The following TATDN2 variants were observed in gnomAD, a reference collection of about 807,000 sequenced individuals.
TATDN2 encodes the protein TatD DNase domain containing 2, also known as 3'-5' RNA nuclease TATDN2.
In TATDN2, 44 loss-of-function variants were observed where a neutral mutation model predicts 60.3. The ratio of observed to expected loss-of-function variants is 0.73; its 90% CI spans 0.57 to 0.94. TATDN2 has a LOEUF of 0.94. TATDN2 is among the 40% of genes least tolerant of loss of function. The pLI, the probability that TATDN2 is intolerant of heterozygous loss-of-function variation, is 0.00. For synonymous variants in TATDN2, 399 were observed against 355.8 expected, an observed-to-expected ratio of 1.12 and a Z score of -1.37; for missense variants, 997 against 948.0, an observed-to-expected ratio of 1.05 and a Z score of -0.68.
chr3:10,266,233 A>G (rs1033412353), intron 3 of TATDN2, among the ~76,000 whole-genome samples: 1 of 152,256 alleles, frequency 6.6e-6, no homozygotes, highest in Non-Finnish European at 1.5e-5. Context: ...AAATTCCCAC[A>G]TAAAGTAGGT....
At chr3:10,268,079 T>C (rs1321435505) in intron 3 of TATDN2, among the ~76,000 whole-genome samples, 1 of 152,208 alleles carries the variant, frequency 6.6e-6, no homozygotes, top group Non-Finnish European at 1.5e-5. Flanking sequence ...CAGAATAGTG[T>C]ATTGAATCAC....
intron 2 of TATDN2, among the ~76,000 whole-genome samples, chr3:10,259,679 A>G (rs1698371130): frequency 6.6e-6 from 1 of 152,160 alleles, no homozygotes. Context: ...ATGGTGGGAA[A>G]AACACTGCAC....
rs1559457873 is a variant in TATDN2, at chr3:10,249,257, T to TC, written c.61dup (p.Arg21ProfsTer11). The TC allele has an allele frequency of 6.4e-7, 1 of 1,570,390 alleles. No homozygotes were observed. The highest frequency in any genetic ancestry group is 1.8e-5 in the Admixed American group (1 of 54,200). ...ACTGGAGCAGCACGTCGGAAGGGTG[T>TC]CCCCGCAAGCGCAGCTGCCTCCGGG... On this transcript the variant is annotated frameshift_variant, in exon 2 of 8. Coordinates refer to ENST00000448281, the MANE Select transcript of TATDN2 (RefSeq NM_014760.4). LOFTEE classifies it high-confidence loss of function.
chr3:10,264,916 T>G (rs1056698841), intron 3 of TATDN2, among the ~76,000 whole-genome samples: 5 of 151,890 alleles, frequency 3.3e-5, no homozygotes, highest in Non-Finnish European at 5.9e-5. Context: ...CCTCAGGTGA[T>G]CTATCCGCCT....
chr3:10,270,799 T>C lies in TATDN2; in HGVS notation c.1617T>C (p.Asp539=), dbSNP rs1698551368. Residue 539 remains aspartate, a synonymous_variant, in exon 4 of 8, where the codon GAT becomes GAC. Coordinates refer to ENST00000448281, the MANE Select transcript of TATDN2 (RefSeq NM_014760.4). ...EFQGCISDFC[D]PRTLTDCLWE... ...AGGGCTGCATCTCTGACTTCTGTGA[T>C]CCCCGCACCCTGACAGATTGCCTAT... 2 of 1,614,074 alleles carry C rather than the reference T, an allele frequency of 1.2e-6. No individual in the cohort carries two copies. Among genetic ancestry groups the C allele is most frequent in the Non-Finnish European group, 1.7e-6 (2 of 1,180,044 alleles).
chr3:10,270,997 T>C lies in TATDN2; in HGVS notation c.1815T>C (p.Pro605=). 6.3e-7 allele frequency: 1 copy of C among 1,595,884 alleles called. No individual in the cohort carries two copies. The highest frequency in any genetic ancestry group is 2.2e-5 in the East Asian group (1 of 44,764). ...ATTACTCTTACAAGTGCACCACGCC[T>C]GTCCCAGAACAGCACAAGGTAACAA... The part of the protein sequence containing the change: ...GLDYSYKCTT[P]VPEQHKVFER... Residue 605 remains proline (P), a synonymous_variant, in exon 4 of 8, where the codon CCT becomes CCC. Coordinates refer to ENST00000448281, the MANE Select transcript of TATDN2 (RefSeq NM_014760.4).
At chr3:10,258,854 T>C (rs900378327) in intron 2 of TATDN2, among the ~76,000 whole-genome samples, 1 of 150,970 alleles carries the variant, frequency 6.6e-6, no homozygotes, top group African/African-American at 2.4e-5. Context: ...TTTGCGAATA[T>C]ATACATATAA....
In TATDN2 at chr3:10,280,932, G is replaced by C. The variant is rs1413741235; in HGVS notation, c.*1750G>C. On this transcript the variant is annotated 3_prime_UTR_variant, in exon 8 of 8. Coordinates refer to ENST00000448281, the MANE Select transcript of TATDN2 (RefSeq NM_014760.4). ...GGTGAAACCAACCAGCCCTGTGTTA[G>C]AGGAGGAAAAGCGGAGATGACATGG... 6.6e-6 allele frequency: 1 copy of C among 152,470 alleles called. No homozygotes were observed. The highest frequency in any genetic ancestry group is 1.5e-5 in the Non-Finnish European group (1 of 68,060). The allele number at this position is 152,470 out of a possible 1,614,324, so 9.4% of individuals were successfully genotyped here. A position where few individuals can be genotyped will look rare whatever the true frequency, so the allele number is the denominator to read the frequency against.
chr3:10,278,964 A>T lies in TATDN2; in HGVS notation c.2225A>T (p.Gln742Leu). Residue 742 changes from glutamine to leucine, a missense_variant, in exon 7 of 8, where the codon CAG becomes CTG. Physicochemically the swap from Gln to Leu is moderately radical, Grantham distance 113. Coordinates refer to ENST00000448281, the MANE Select transcript of TATDN2 (RefSeq NM_014760.4). This position sits in a 1 kb window ranked among gnomAD's most constrained non-coding sequence, Gnocchi z 4.7. Reference protein sequence around the residue: ...TVREIARVKDQPLSLTLAALR... With the variant: ...TVREIARVKDLPLSLTLAALR... ...CGAGAGATTGCCAGAGTCAAAGATC[A>T]GCCACTCTCCCTCACCTTGGCTGCC... 1 of 1,614,154 alleles carries T rather than the reference A, an allele frequency of 6.2e-7. No individual in the cohort carries two copies. The highest frequency in any genetic ancestry group is 8.5e-7 in the Non-Finnish European group (1 of 1,180,026).
At chr3:10,268,263 T>C (rs1698508672) in intron 3 of TATDN2, among the ~76,000 whole-genome samples, 1 of 152,266 alleles carries the variant, frequency 6.6e-6, no homozygotes, top group Non-Finnish European at 1.5e-5. Context: ...TTCATTTAAG[T>C]GTTGGTTACT....
Position 10,270,387 on chromosome 3 carries a change from G to A in TATDN2, c.1205G>A (p.Ser402Asn). The part of the protein sequence containing the change: ...PSSYPSTGSS[S>N]NDAAQVGKSS... The stretch of plus-strand genomic sequence containing the variant: ...AGCTACCCCTCCACAGGCAGCAGCA[G>A]CAACGATGCAGCCCAGGTTGGGAAG... Residue 402 changes from serine (S) to asparagine (N), a missense_variant, in exon 4 of 8, where the codon AGC becomes AAC. Coordinates refer to ENST00000448281, the MANE Select transcript of TATDN2 (RefSeq NM_014760.4). The A allele has an allele frequency of 6.2e-7, 1 of 1,614,236 alleles. No individual in the cohort carries two copies. Among genetic ancestry groups the A allele is most frequent in the Non-Finnish European group, 8.5e-7 (1 of 1,180,050 alleles).
At chr3:10,257,099 A>T (rs1698318204) in intron 2 of TATDN2, among the ~76,000 whole-genome samples, 1 of 142,588 alleles carries the variant, frequency 7.0e-6, no homozygotes, top group African/African-American at 2.8e-5. Context: ...CAACATGGTG[A>T]AACCCCATCT....
chr3:10,255,004 CA>C (rs1425262257), intron 2 of TATDN2, among the ~76,000 whole-genome samples: 2,997 of 122,610 alleles, frequency 0.024, 205 homozygotes, highest in African/African-American at 0.11. Context: ...TCCTCCTTCC[CA>C]CTTCCCACTC....
At chr3:10,252,716 G>C (rs1477792693) in intron 2 of TATDN2, among the ~76,000 whole-genome samples, 1 of 151,314 alleles carries the variant, frequency 6.6e-6, no homozygotes, top group East Asian at 2.0e-4. Flanking sequence ...TTTGAGACAG[G>C]GTCTTGCTCT....
At position 10,260,585 on chromosome 3, in the gene TATDN2, T is replaced by C. The variant is rs777675072; in HGVS notation, c.863T>C (p.Leu288Pro). The stretch of plus-strand genomic sequence containing the variant: ...CAAGAGAAACCCAGTGAGGAGCCCC[T>C]TGGGGACCGAAGGACTGTCATTGAC... The part of the protein sequence containing the change: ...DPQEKPSEEP[L>P]GDRRTVIDKC... Residue 288 changes from leucine to proline, a missense_variant, in exon 3 of 8, where the codon CTT becomes CCT. Transcript: ENST00000448281. 1.2e-5 allele frequency: 20 copies of C among 1,614,152 alleles called. No individual in the cohort carries two copies. Among genetic ancestry groups the C allele is most frequent in the Admixed American group, 6.7e-5 (4 of 60,018 alleles).
intron 2 of TATDN2, among the ~76,000 whole-genome samples, chr3:10,258,399 T>A (rs1698347564): frequency 1.3e-5 from 2 of 152,002 alleles, no homozygotes; most frequent in Admixed American, 1.3e-4. Flanking sequence ...TGCCTCAGCC[T>A]CTTGAGTAGC....
Position 10,279,000 on chromosome 3 carries a change from A to G in TATDN2, c.2261A>G (p.Asn754Ser). 1.9e-6 allele frequency: 3 copies of G among 1,614,230 alleles called. No individual in the cohort carries two copies. Among genetic ancestry groups the G allele is most frequent in the Non-Finnish European group, 2.5e-6 (3 of 1,180,040 alleles). The change falls in exon 7 of 8, where the codon AAC becomes AGC. Residue 754 changes from asparagine (N) to serine (S), a missense_variant. Transcript: ENST00000448281. This position sits in a 1 kb window ranked among gnomAD's most constrained non-coding sequence, Gnocchi z 4.7. The part of the protein sequence containing the change: ...LSLTLAALRE[N>S]TSRLYSL ...CTCACCTTGGCTGCCTTGCGTGAGA[A>G]CACCAGTCGCCTCTACAGTCTTTAA...
In TATDN2 at chr3:10,249,076, G is replaced by A. The variant is rs1698177753; in HGVS notation, c.-7+9G>A. The A allele has an allele frequency of 2.5e-6, 3 of 1,177,474 alleles. No homozygotes were observed. The highest frequency in any genetic ancestry group is 1.8e-5 in the South Asian group (1 of 56,428). 72.9% of individuals were successfully genotyped at this position (1,177,474 alleles called of 1,614,324 possible). A position where few individuals can be genotyped will look rare whatever the true frequency, so the allele number is the denominator to read the frequency against. On this transcript the variant is annotated intron_variant, in intron 1 of 7. Coordinates refer to ENST00000448281, the MANE Select transcript of TATDN2 (RefSeq NM_014760.4). Reference sequence around the variant, plus strand: ...GGAAAGAAGAGGGAAAGGTCAGTGAGGCTAGCCCCTGGCTCTGCCCTTATG... The same window carrying A: ...GGAAAGAAGAGGGAAAGGTCAGTGAAGCTAGCCCCTGGCTCTGCCCTTATG...
At chr3:10,252,046 G>T (rs1444994961) in intron 2 of TATDN2, among the ~76,000 whole-genome samples, 1 of 150,652 alleles carries the variant, frequency 6.6e-6, no homozygotes, top group African/African-American at 2.4e-5. Flanking sequence ...CACTTGGGAG[G>T]CTGAGGCAGG....
Sources: gnomAD v4.1 joint callset for allele counts (sites outside exome capture counted in the v4.1 genomes callset) on GRCh38, gnomAD v4.1.1 for gene constraint, Gnocchi (gnomAD v3.1) non-coding constraint, MANE v1.5 for transcripts, NCBI Gene and HGNC (gene_info 2026-07-23, HGNC 2026-07-21) for gene names.